MAPT: variants seen among roughly 807,000 people sequenced by gnomAD.
MAPT encodes the protein microtubule associated protein tau.
MAPT carries 34 observed loss-of-function variants against 67.9 expected under a neutral mutation model. The observed-to-expected ratio is 0.50, with a 90% confidence interval of 0.38 to 0.67. The LOEUF (loss-of-function observed/expected upper bound fraction) is 0.67. MAPT is among the 30% of genes least tolerant of loss of function. MAPT has a pLI of 0.00. For missense variants in MAPT, 881 were observed against 1,115.2 expected (o/e 0.79, Z 2.99); for synonymous variants, 456 against 464.5 (o/e 0.98, Z 0.23).
intron 1 of MAPT, among the ~76,000 whole-genome samples, chr17:45,935,667 G>T (rs1191752303): frequency 6.6e-6 from 1 of 152,190 alleles, no homozygotes; most frequent in Non-Finnish European, 1.5e-5. Context: ...CTTCCAGAAT[G>T]TCTTGTCTCC....
At chr17:45,982,117 A>C (rs186541979) in intron 4 of MAPT, among the ~76,000 whole-genome samples, 1 of 151,114 alleles carries the variant, frequency 6.6e-6, no homozygotes, top group East Asian at 1.9e-4. Context: ...AGGTCAGGAG[A>C]TCAAGACTAT....
At position 45,971,354 on chromosome 17, in the gene MAPT, C is replaced by G. The variant is rs73984656; in HGVS notation, c.134-505C>G. On this transcript the variant is annotated intron_variant, in intron 2 of 12. Transcript: ENST00000262410. This position sits in a 1 kb window ranked among gnomAD's most constrained non-coding sequence, Gnocchi z 4.3. ...CTTGGAGGTCTTTCTATGAAAGGAG[C>G]TTGGTGGCGTCCAAACACCACCCAA... 1.3e-5 allele frequency among the ~76,000 whole-genome samples: 2 copies of G among 152,150 alleles called. No individual in the cohort carries two copies. The highest frequency in any genetic ancestry group is 2.4e-5 in the African/African-American group (1 of 41,440).
Position 46,024,322 on chromosome 17 carries a change from C to A in MAPT, c.*151C>A. The stretch of plus-strand genomic sequence containing the variant: ...AATCACTTAACCTGCTTTTGTCACT[C>A]GGCTTTGGCTCGGGACTTCAAAATC... On this transcript the variant is annotated 3_prime_UTR_variant, in exon 13 of 13. Transcript: ENST00000262410. The A allele has an allele frequency of 1.4e-6, 1 of 740,566 alleles. No homozygotes were observed. Among genetic ancestry groups the A allele is most frequent in the Non-Finnish European group, 2.3e-6 (1 of 429,498 alleles). The allele number at this position is 740,566 out of a possible 1,614,324, so 45.9% of individuals were successfully genotyped here.
intron 1 of MAPT, among the ~76,000 whole-genome samples, chr17:45,958,049 G>A (rs1188885776): frequency 1.3e-5 from 2 of 152,190 alleles, no homozygotes; most frequent in Non-Finnish European, 2.9e-5. Flanking sequence ...GAAGAGGGCA[G>A]ATTGGTCTAC....
At chr17:45,957,034 T>C (rs945700108) in intron 1 of MAPT, among the ~76,000 whole-genome samples, 2 of 152,120 alleles carry the variant, frequency 1.3e-5, no homozygotes, top group African/African-American at 4.8e-5. Context: ...TCTTTGCTAT[T>C]GTGAATAGTG....
Position 46,010,271 on chromosome 17 carries a change from G to A in MAPT, c.1999-39G>A, listed in dbSNP as rs1229347523. The A allele has an allele frequency of 2.1e-6, 3 of 1,410,228 alleles. No individual in the cohort carries two copies. Among genetic ancestry groups the A allele is most frequent in the African/African-American group, 2.8e-5 (2 of 70,398 alleles). 87.4% of individuals were successfully genotyped at this position (1,410,228 alleles called of 1,614,324 possible). A position where few individuals can be genotyped will look rare whatever the true frequency, so the allele number is the denominator to read the frequency against. On this transcript the variant is annotated intron_variant, in intron 9 of 12. Coordinates refer to ENST00000262410, the MANE Select transcript of MAPT (RefSeq NM_001377265.1). This position sits in a 1 kb window ranked among gnomAD's most constrained non-coding sequence, Gnocchi z 4.7. ...CCTTGCGAGCAAGCAGGCGGGTCCAGGGTGGCGTGTCACTCATCCTTTTTT... is the reference window on the plus strand; with the variant it reads ...CCTTGCGAGCAAGCAGGCGGGTCCAAGGTGGCGTGTCACTCATCCTTTTTT...
chr17:45,904,275 T>TAAAA (rs2064079233), intron 1 of MAPT, among the ~76,000 whole-genome samples: 1 of 46,138 alleles, frequency 2.2e-5, no homozygotes, highest in Admixed American at 4.2e-4. Context: ...TATATATTTT[T>TAAAA]ATATATATAA....
chr17:45,941,717 T>TTCCTTCCTTCCTG lies in MAPT; in HGVS notation c.-17-20604_-17-20603insTCCTTCCTTCCTG, dbSNP rs1555690501. Among the ~76,000 whole-genome samples, 4 of 88,380 alleles carry TTCCTTCCTTCCTG rather than the reference T, an allele frequency of 4.5e-5. 1 individual carries two copies. The highest frequency in any genetic ancestry group is 1.3e-4 in the Admixed American group (1 of 7,590). The allele number at this position is 88,380 out of a possible 152,430, so 58.0% of individuals were successfully genotyped here. ...TTCCTTCCTGCCTGCCTTCCTTCCT[T>TTCCTTCCTTCCTG]CCTTCCTTCCTTCCTTCCTTCCTTC... On this transcript the variant is annotated intron_variant, in intron 1 of 12. Coordinates refer to ENST00000262410, the MANE Select transcript of MAPT (RefSeq NM_001377265.1).
intron 12 of MAPT, among the ~76,000 whole-genome samples, chr17:46,023,510 G>C (rs2076656646): frequency 6.6e-6 from 1 of 152,214 alleles, no homozygotes; most frequent in African/African-American, 2.4e-5. Context: ...CAGGGAAGGA[G>C]TGGGCACAGG....
At chr17:45,905,792 G>T (rs2064266152) in intron 1 of MAPT, among the ~76,000 whole-genome samples, 2 of 152,182 alleles carry the variant, frequency 1.3e-5, no homozygotes, top group Admixed American at 1.3e-4. Context: ...TGATAATGTG[G>T]TCTCTCTTCT....
chr17:46,021,385 C>T (rs1349865657), intron 12 of MAPT, among the ~76,000 whole-genome samples: 1 of 152,192 alleles, frequency 6.6e-6, no homozygotes, highest in Non-Finnish European at 1.5e-5. Flanking sequence ...TGTTTCTAAC[C>T]CCAGGCCTCC....
intron 9 of MAPT, among the ~76,000 whole-genome samples, chr17:46,002,646 A>G (rs1048005127): frequency 1.1e-4 from 16 of 152,140 alleles, no homozygotes; most frequent in African/African-American, 3.9e-4. Context: ...ACAGAAACCT[A>G]CCTGAGCAGT....
intron 1 of MAPT, among the ~76,000 whole-genome samples, chr17:45,947,539 C>T (rs1476702447): frequency 1.3e-5 from 2 of 152,020 alleles, no homozygotes; most frequent in African/African-American, 2.4e-5. Context: ...AGGTGCCCAC[C>T]ACCACACCCA....
At chr17:46,023,626 G>A (rs778446512) in intron 12 of MAPT, among the ~76,000 whole-genome samples, 6 of 152,184 alleles carry the variant, frequency 3.9e-5, no homozygotes, top group South Asian at 2.1e-4. Context: ...GATTGCTTGC[G>A]TCCAGGAGTT....
intron 1 of MAPT, among the ~76,000 whole-genome samples, chr17:45,904,152 GT>G (rs1482099281): frequency 1.4e-4 from 2 of 14,440 alleles, no homozygotes; most frequent in Non-Finnish European, 2.7e-4. Context: ...TATTATATAT[GT>G]TATATATTAT....
At chr17:45,928,455 C>G (rs1001945) in intron 1 of MAPT, among the ~76,000 whole-genome samples, 80,241 of 151,938 alleles carry the variant, frequency 0.53, 21,501 homozygotes, top group Non-Finnish European at 0.56. Context: ...TGTCTCACTT[C>G]ATTTTCCACT....
intron 9 of MAPT, among the ~76,000 whole-genome samples, chr17:46,007,807 T>C (rs1340862231): frequency 6.6e-6 from 1 of 152,224 alleles, no homozygotes; most frequent in Non-Finnish European, 1.5e-5. Flanking sequence ...TTTATAACTT[T>C]GACCCAGAAA....
chr17:45,987,589 G>A (rs1203534758), intron 6 of MAPT, among the ~76,000 whole-genome samples: 1 of 152,156 alleles, frequency 6.6e-6, no homozygotes, highest in Non-Finnish European at 1.5e-5. Flanking sequence ...CGTTTTTCCT[G>A]GAAAATCCCA....
intron 1 of MAPT, among the ~76,000 whole-genome samples, chr17:45,959,903 A>G (rs1019487358): frequency 6.6e-6 from 1 of 152,216 alleles, no homozygotes; most frequent in African/African-American, 2.4e-5. Flanking sequence ...AAAATATGGT[A>G]CATATGTGGA....
Sources: allele counts gnomAD v4.1 joint callset (sites outside exome capture counted in the v4.1 genomes callset), GRCh38; gene constraint gnomAD v4.1.1; non-coding constraint Gnocchi (gnomAD v3.1); transcripts MANE v1.5; gene names NCBI Gene and HGNC (gene_info 2026-07-23, HGNC 2026-07-21).